Variants in MRPL14 observed in about 807,000 individuals in gnomAD.
The protein encoded by MRPL14 is large ribosomal subunit protein uL14m.
In MRPL14, 8 loss-of-function variants were observed where a neutral mutation model predicts 10.9. The observed-to-expected ratio is 0.74, with a 90% confidence interval of 0.43 to 1.33. MRPL14 has a LOEUF of 1.33. Among genes scored for constraint, MRPL14 ranks in the 40% most tolerant of loss-of-function variants. MRPL14 has a pLI of 0.01. For missense variants in MRPL14, 179 were observed against 194.5 expected (o/e 0.92, Z 0.47); for synonymous variants, 82 against 74.1 (o/e 1.11, Z -0.54).
chr6:44,118,274 C>T (rs1220410032), intron 1 of MRPL14, among the ~76,000 whole-genome samples: 3 of 152,310 alleles, frequency 2.0e-5, no homozygotes, highest in Non-Finnish European at 4.4e-5. Flanking sequence ...CTAATAGTAT[C>T]TGCCCCCAAG....
intron 1 of MRPL14, among the ~76,000 whole-genome samples, chr6:44,117,485 C>T (rs1562098632): frequency 1.3e-5 from 2 of 152,184 alleles, no homozygotes; most frequent in Non-Finnish European, 1.5e-5. Context: ...TCCACCCAAA[C>T]GTTTGGCAGC....
At chr6:44,121,341 TA>T (rs949061344) in intron 1 of MRPL14, among the ~76,000 whole-genome samples, 1 of 108,146 alleles carries the variant, frequency 9.2e-6, no homozygotes, top group Non-Finnish European at 1.7e-5. Context: ...AACTTCTCCT[TA>T]AAAAGAGCTG....
rs1017113504 is a variant in MRPL14 at position 44,116,624 on chromosome 6, T to C, written c.-13A>G. Reference sequence around the variant, plus strand: ...TAAAGAAAGCCATGGGATCCCAAGATAGATCCTGCAGGAAAAACGAGAGGG... The same window carrying C: ...TAAAGAAAGCCATGGGATCCCAAGACAGATCCTGCAGGAAAAACGAGAGGG... On this transcript the variant is annotated 5_prime_UTR_variant, in exon 2 of 3. Coordinates refer to ENST00000372014, the MANE Select transcript of MRPL14 (RefSeq NM_032111.4). 6.2e-6 allele frequency: 10 copies of C among 1,613,236 alleles called. No individual in the cohort carries two copies. The highest frequency in any genetic ancestry group is 2.2e-5 in the East Asian group (1 of 44,888).
In MRPL14 at chr6:44,113,974, T is replaced by TG. The variant is rs1317559416; in HGVS notation, c.306dup (p.Asn103GlnfsTer7). The TG allele has an allele frequency of 1.9e-6, 3 of 1,614,090 alleles. No homozygotes were observed. Among genetic ancestry groups the TG allele is most frequent in the Admixed American group, 1.7e-5 (1 of 60,014 alleles). ...TTGTCCTCAATGAGGACCACGTTGT[T>TG]GGAGTCGAATCTGGGGGTCATTCGG... On this transcript the variant is annotated frameshift_variant, in exon 3 of 3. Coordinates refer to ENST00000372014, the MANE Select transcript of MRPL14 (RefSeq NM_032111.4). LOFTEE classifies it high-confidence loss of function.
intron 1 of MRPL14, among the ~76,000 whole-genome samples, chr6:44,126,600 C>G (rs1174191016): frequency 1.3e-5 from 2 of 152,180 alleles, no homozygotes; most frequent in African/African-American, 2.4e-5. Flanking sequence ...CCCTTTTAAC[C>G]TCTTTATAAA....
rs924584728 is a variant in MRPL14 at position 44,127,359 on chromosome 6, G to A, written c.-34C>T. The A allele has an allele frequency of 3.3e-5, 5 of 152,488 alleles. No individual in the cohort carries two copies. The East Asian group carries it at 7.8e-4, about 24-fold the overall frequency. 9.4% of individuals were successfully genotyped at this position (152,488 alleles called of 1,614,324 possible). A position where few individuals can be genotyped will look rare whatever the true frequency, so the allele number is the denominator to read the frequency against. On this transcript the variant is annotated 5_prime_UTR_variant, in exon 1 of 3. Transcript: ENST00000372014. ...CCCACCATACCGCTCTCGCCGCCCG[G>A]GAAAATCCCGCCGCGGGCCCCACCA... is the stretch of plus-strand genomic sequence containing the variant.
At chr6:44,119,805 G>A (rs1776229358) in intron 1 of MRPL14, among the ~76,000 whole-genome samples, 5 of 152,118 alleles carry the variant, frequency 3.3e-5, no homozygotes, top group Admixed American at 3.3e-4. Context: ...ATCTGATGCT[G>A]GCAGGTCCTT....
At chr6:44,124,876 C>A (rs1261578177) in intron 1 of MRPL14, among the ~76,000 whole-genome samples, 3 of 152,024 alleles carry the variant, frequency 2.0e-5, no homozygotes, top group African/African-American at 7.3e-5. Flanking sequence ...CTTTTCGAGA[C>A]CCCCCCTACA....
At chr6:44,120,245 C>G (rs1470871943) in intron 1 of MRPL14, among the ~76,000 whole-genome samples, 1 of 152,218 alleles carries the variant, frequency 6.6e-6, no homozygotes, top group Non-Finnish European at 1.5e-5. Flanking sequence ...GCAACACTCA[C>G]TGAACCAATA....
At position 44,113,962 on chromosome 6, in the gene MRPL14, G is replaced by C. The variant is rs1168052868; in HGVS notation, c.319C>G (p.Leu107Val). 6.2e-7 allele frequency: 1 copy of C among 1,614,082 alleles called. No individual in the cohort carries two copies. Among genetic ancestry groups the C allele is most frequent in the East Asian group, 2.2e-5 (1 of 44,878 alleles). The change falls in exon 3 of 3, where the codon CTC (leucine) becomes GTC (valine). Residue 107 changes from leucine to valine, a missense_variant. Coordinates refer to ENST00000372014, the MANE Select transcript of MRPL14 (RefSeq NM_032111.4). ...TPRFDSNNVV[L>V]IEDNGNPVGT... ...ACAGGGTTCCCGTTGTCCTCAATGA[G>C]GACCACGTTGTTGGAGTCGAATCTG...
intron 1 of MRPL14, among the ~76,000 whole-genome samples, chr6:44,116,851 C>G (rs1180753998): frequency 3.3e-5 from 5 of 152,110 alleles, no homozygotes; most frequent in African/African-American, 1.2e-4. Context: ...GGAGAATGGC[C>G]CACAACAGCT....
chr6:44,117,154 C>A (rs1276299324), intron 1 of MRPL14, among the ~76,000 whole-genome samples: 7 of 152,214 alleles, frequency 4.6e-5, no homozygotes, highest in Non-Finnish European at 1.0e-4. Context: ...CAGCTCAAGG[C>A]CAGCAAAGCA....
chr6:44,113,719 AG>A lies in MRPL14; in HGVS notation c.*123del, dbSNP rs1775558471. On this transcript the variant is annotated 3_prime_UTR_variant, in exon 3 of 3. Transcript: ENST00000372014. ...TAAATGAATACATTTATTCTCTCAC[AG>A]GATACTACACTGTTACCCAGTGTGA... 5 of 938,272 alleles carry A rather than the reference AG, an allele frequency of 5.3e-6. No homozygotes were observed. In the South Asian group the frequency reaches 1.3e-4, roughly 24 times the overall value. The allele number at this position is 938,272 out of a possible 1,614,324, so 58.1% of individuals were successfully genotyped here.
intron 2 of MRPL14, among the ~76,000 whole-genome samples, chr6:44,115,897 G>A (rs188357365): frequency 9.9e-5 from 15 of 152,218 alleles, no homozygotes; most frequent in Admixed American, 2.0e-4. Flanking sequence ...CCAAAGCACT[G>A]TACAATCCTC....
chr6:44,125,535 A>G (rs1463623069), intron 1 of MRPL14, among the ~76,000 whole-genome samples: 1 of 151,814 alleles, frequency 6.6e-6, no homozygotes, highest in Non-Finnish European at 1.5e-5. Context: ...TCGCGCCTGC[A>G]GTCCCAGCTA....
At chr6:44,120,635 G>A (rs1462616015) in intron 1 of MRPL14, among the ~76,000 whole-genome samples, 1 of 152,072 alleles carries the variant, frequency 6.6e-6, no homozygotes, top group Admixed American at 6.5e-5. Context: ...TTCACTTATT[G>A]TATATATGTC....
intron 1 of MRPL14, among the ~76,000 whole-genome samples, chr6:44,125,027 G>A (rs943784490): frequency 3.9e-5 from 6 of 152,230 alleles, no homozygotes; most frequent in Admixed American, 2.6e-4. Flanking sequence ...GCTAAGAAGA[G>A]TCTAAATAAC....
intron 1 of MRPL14, among the ~76,000 whole-genome samples, chr6:44,124,551 G>GAA (rs1452898534): frequency 6.6e-6 from 1 of 152,214 alleles, no homozygotes; most frequent in Non-Finnish European, 1.5e-5. Flanking sequence ...TCATAGCCCT[G>GAA]AAAGTGTTTT....
At chr6:44,123,870 C>A (rs1205402297) in intron 1 of MRPL14, among the ~76,000 whole-genome samples, 7 of 149,954 alleles carry the variant, frequency 4.7e-5, no homozygotes, top group African/African-American at 1.7e-4. Flanking sequence ...GACCCTGCCT[C>A]AAAAAAAAAG....
Sources: gnomAD v4.1 joint callset for allele counts (sites outside exome capture counted in the v4.1 genomes callset) on GRCh38, gnomAD v4.1.1 for gene constraint, MANE v1.5 for transcripts, NCBI Gene and HGNC (gene_info 2026-07-23, HGNC 2026-07-21) for gene names.